TNNI3K: variants seen among roughly 807,000 people sequenced by gnomAD.
TNNI3K encodes serine/threonine-protein kinase TNNI3K.
A neutral mutation model predicts 114.5 loss-of-function variants in TNNI3K; 140 were observed. That is an observed-to-expected ratio of 1.22 (90% CI 1.07 to 1.41). The LOEUF is 1.41. Among genes scored for constraint, TNNI3K ranks in the 40% most tolerant of loss-of-function variants. The pLI is 0.00. For missense variants in TNNI3K, 1,125 were observed against 1,007.6 expected (o/e 1.12, Z -1.58); for synonymous variants, 347 against 347.5 (o/e 1.00, Z 0.02).
intron 17 of TNNI3K, among the ~76,000 whole-genome samples, chr1:74,383,037 G>A (rs1169738210): frequency 6.6e-6 from 1 of 151,804 alleles, no homozygotes; most frequent in Middle Eastern, 3.2e-3. Context: ...GGAAAGGATT[G>A]ATTACAGGCT....
At chr1:74,525,850 A>T (rs1440943970) in intron 23 of TNNI3K, among the ~76,000 whole-genome samples, 1 of 152,206 alleles carries the variant, frequency 6.6e-6, no homozygotes, top group African/African-American at 2.4e-5. Context: ...ATCACAGCAC[A>T]TCACACCAGA....
chr1:74,371,329 G>A (rs1000599214), intron 17 of TNNI3K: 1 of 151,782 alleles, frequency 6.6e-6, no homozygotes, highest in Non-Finnish European at 1.5e-5. Context: ...AAAGTGGGAC[G>A]TTCATAGACT....
chr1:74,521,389 C>T (rs572107052), intron 23 of TNNI3K, among the ~76,000 whole-genome samples: 1 of 152,066 alleles, frequency 6.6e-6, no homozygotes, highest in East Asian at 1.9e-4. Context: ...TAAAACAATA[C>T]CTGGCACATA....
At chr1:74,455,292 A>G (rs765960237) in intron 20 of TNNI3K, among the ~76,000 whole-genome samples, 51 of 152,318 alleles carry the variant, frequency 3.3e-4, no homozygotes, top group Middle Eastern at 3.4e-3. Context: ...TAGGTAAACT[A>G]TGAAGAAGTG....
intron 4 of TNNI3K, among the ~76,000 whole-genome samples, chr1:74,257,827 C>A (rs1365692836): frequency 6.6e-6 from 1 of 151,886 alleles, no homozygotes; most frequent in Non-Finnish European, 1.5e-5. Context: ...GCCACCACGC[C>A]CGGCTAATTT....
chr1:74,243,475 C>T (rs912817215), intron 2 of TNNI3K, among the ~76,000 whole-genome samples: 1 of 152,070 alleles, frequency 6.6e-6, no homozygotes, highest in Non-Finnish European at 1.5e-5. Flanking sequence ...TGGCTTTTCC[C>T]TAAGTTTTAA....
intron 2 of TNNI3K, chr1:74,239,859 G>A: frequency 2.2e-6 from 1 of 444,884 alleles, no homozygotes; most frequent in Non-Finnish European, 4.7e-6. Flanking sequence ...CTTTGGAATG[G>A]GAGCTTGATG....
chr1:74,449,084 A>G (rs1317236034), intron 20 of TNNI3K, among the ~76,000 whole-genome samples: 2 of 141,216 alleles, frequency 1.4e-5, no homozygotes, highest in Admixed American at 7.2e-5. Flanking sequence ...CTGTGAATCC[A>G]TCTGGTCCTG....
rs188227597 is a variant in TNNI3K, at chr1:74,247,461, C to T, written c.150-1998C>T. Among the ~76,000 whole-genome samples the T allele has an allele frequency of 5.4e-4, 82 of 152,268 alleles. 1 individual carries two copies. The highest frequency in any genetic ancestry group is 2.0e-3 in the Admixed American group (30 of 15,304). Reference sequence around the variant, plus strand: ...AAAAAGCGAAAGAACAAAGCTCCCACGGTATGAAAGGGGACACAAGCAAGT... The same window carrying T: ...AAAAAGCGAAAGAACAAAGCTCCCATGGTATGAAAGGGGACACAAGCAAGT... On this transcript the variant is annotated intron_variant, in intron 2 of 24. Transcript: ENST00000326637.
chr1:74,342,716 T>G lies in TNNI3K; in HGVS notation c.683-126T>G, dbSNP rs1660808342. The G allele has an allele frequency of 2.4e-6, 3 of 1,253,714 alleles. No homozygotes were observed. The African/African-American group carries it at 4.5e-5, about 19-fold the overall frequency. The allele number at this position is 1,253,714 out of a possible 1,614,324, so 77.7% of individuals were successfully genotyped here. The stretch of plus-strand genomic sequence containing the variant: ...TGGTCGCCCTTAATTTCCTTTATGA[T>G]TATCATTAACTGGCAATTTCCAGGA... On this transcript the variant is annotated intron_variant, in intron 7 of 24. Coordinates refer to ENST00000326637, the MANE Select transcript of TNNI3K (RefSeq NM_015978.3).
At chr1:74,384,756 A>G (rs1421095953) in intron 17 of TNNI3K, among the ~76,000 whole-genome samples, 2 of 152,130 alleles carry the variant, frequency 1.3e-5, no homozygotes, top group South Asian at 2.1e-4. Context: ...AACAGTGGCA[A>G]CGTTTCCTGA....
At chr1:74,533,388 C>T (rs924084969) in intron 23 of TNNI3K, among the ~76,000 whole-genome samples, 4 of 152,090 alleles carry the variant, frequency 2.6e-5, no homozygotes, top group South Asian at 2.1e-4. Flanking sequence ...GTTAGAATGG[C>T]GATCATTAAA....
chr1:74,268,157 G>A (rs1656118244), intron 4 of TNNI3K, among the ~76,000 whole-genome samples: 1 of 150,710 alleles, frequency 6.6e-6, no homozygotes, highest in Non-Finnish European at 1.5e-5. Flanking sequence ...GCCTTATTGT[G>A]TTTTTAACAC....
At chr1:74,316,777 C>T (rs902360418) in intron 5 of TNNI3K, among the ~76,000 whole-genome samples, 2 of 151,976 alleles carry the variant, frequency 1.3e-5, no homozygotes, top group South Asian at 2.1e-4. Flanking sequence ...GCAAGCTCCA[C>T]CTCCTGGGTT....
intron 17 of TNNI3K, among the ~76,000 whole-genome samples, chr1:74,426,882 G>A (rs1665663522): frequency 6.6e-6 from 1 of 152,026 alleles, no homozygotes; most frequent in Admixed American, 6.6e-5. Flanking sequence ...CACATAGGCT[G>A]TAGACATGCT....
intron 17 of TNNI3K, among the ~76,000 whole-genome samples, chr1:74,429,457 A>G (rs1459345908): frequency 6.6e-6 from 1 of 152,098 alleles, no homozygotes; most frequent in Non-Finnish European, 1.5e-5. Flanking sequence ...AGTTCAGTGT[A>G]TGGGAGTCTT....
chr1:74,539,681 A>G (rs1287978406), intron 23 of TNNI3K, among the ~76,000 whole-genome samples: 1 of 152,176 alleles, frequency 6.6e-6, no homozygotes, highest in Non-Finnish European at 1.5e-5. Context: ...GCAAACCTGC[A>G]TGACAAGTTA....
intron 2 of TNNI3K, among the ~76,000 whole-genome samples, chr1:74,246,886 T>G (rs1654594732): frequency 2.6e-5 from 4 of 152,206 alleles, no homozygotes; most frequent in Admixed American, 2.6e-4. Context: ...AAAGCCTCAT[T>G]CTTATAGTTA....
intron 20 of TNNI3K, among the ~76,000 whole-genome samples, chr1:74,440,528 T>G (rs999302004): frequency 6.6e-6 from 1 of 152,134 alleles, no homozygotes. Context: ...TGAGTACTCA[T>G]GTACAGAGAG....
Sources: allele counts gnomAD v4.1 joint callset (sites outside exome capture counted in the v4.1 genomes callset), GRCh38; gene constraint gnomAD v4.1.1; transcripts MANE v1.5; gene names NCBI Gene and HGNC (gene_info 2026-07-23, HGNC 2026-07-21).